The following GPC3 variants were observed in gnomAD, a reference collection of about 807,000 sequenced individuals.
The protein encoded by GPC3 is glypican-3.
Under a neutral mutation model 34.4 loss-of-function variants are expected in GPC3, and 3 were observed. The observed-to-expected ratio is 0.09, with a 90% confidence interval of 0.04 to 0.23. The LOEUF (loss-of-function observed/expected upper bound fraction) is 0.23, where lower values mean the gene tolerates loss of function less well. GPC3 is among the 10% of genes least tolerant of loss of function. The probability of loss-of-function intolerance (pLI) is 1.00; values close to 1 mark genes in which losing one functional copy is unlikely to be tolerated. For missense variants in GPC3, 351 were observed against 445.6 expected (o/e 0.79, Z 1.91); for synonymous variants, 177 against 174.0 (o/e 1.02, Z -0.13).
chrX:133,984,251 C>T (rs1469800463), intron 1 of GPC3, among the ~76,000 whole-genome samples: 1 of 113,603 alleles, frequency 8.8e-6, no homozygotes, highest in Admixed American at 9.2e-5. Flanking sequence ...TTACGGAATA[C>T]AACTGGCCGT....
rs375599523 is a variant in GPC3 at position 133,975,153 on chromosome X, C to G, written c.175+10122G>C. On this transcript the variant is annotated intron_variant, in intron 1 of 7. Coordinates refer to ENST00000370818, the MANE Select transcript of GPC3 (RefSeq NM_004484.4). ...GCTTTTATTCTCCTATTTATGGTCC[C>G]CTGCCCTATCACCTGTGTTACTAAA... Among the ~76,000 whole-genome samples the G allele has an allele frequency of 1.3e-4, 14 of 111,292 alleles. No individual in the cohort carries two copies. The East Asian group carries it at 1.7e-3, about 14-fold the overall frequency.
At chrX:133,952,526 C>G (rs1051344925) in intron 2 of GPC3, among the ~76,000 whole-genome samples, 21 of 112,188 alleles carry the variant, frequency 1.9e-4, no homozygotes, top group African/African-American at 6.8e-4. Flanking sequence ...AATGCCACAA[C>G]AGCTTCTCTT....
chrX:133,845,589 A>T (rs1349658864), intron 2 of GPC3, among the ~76,000 whole-genome samples: 1 of 111,687 alleles, frequency 9.0e-6, no homozygotes, highest in Non-Finnish European at 1.9e-5. Context: ...ATTCCCTAGA[A>T]TTTAGGAGAC....
intron 3 of GPC3, among the ~76,000 whole-genome samples, chrX:133,724,836 A>G (rs1160703011): frequency 1.1e-4 from 12 of 112,477 alleles, no homozygotes; most frequent in Non-Finnish European, 1.9e-4. Flanking sequence ...AATTTGCAGT[A>G]GCCATAATAA....
chrX:133,818,055 C>T (rs2075700925), intron 2 of GPC3, among the ~76,000 whole-genome samples: 1 of 111,380 alleles, frequency 9.0e-6, no homozygotes, highest in African/African-American at 3.3e-5. Flanking sequence ...AGGAGAGGCA[C>T]TGATTTGATC....
chrX:133,800,889 A>G (rs1220077991), intron 2 of GPC3, among the ~76,000 whole-genome samples: 3 of 111,933 alleles, frequency 2.7e-5, no homozygotes, highest in Non-Finnish European at 3.8e-5. Context: ...CAGGGAAAGT[A>G]TTAAACAGCC....
chrX:133,890,848 G>A (rs993586793), intron 2 of GPC3, among the ~76,000 whole-genome samples: 1 of 91,247 alleles, frequency 1.1e-5, no homozygotes, highest in African/African-American at 4.2e-5. Flanking sequence ...CAACAAGAGC[G>A]AAACTCCATC....
chrX:133,841,299 A>G (rs1215406804), intron 2 of GPC3, among the ~76,000 whole-genome samples: 1 of 96,901 alleles, frequency 1.0e-5, no homozygotes, highest in Non-Finnish European at 2.0e-5. Context: ...GGCTCAAGCA[A>G]TTCTCCTGCC....
chrX:133,783,535 CT>C (rs1164438959), intron 2 of GPC3, among the ~76,000 whole-genome samples: 1 of 112,251 alleles, frequency 8.9e-6, no homozygotes, highest in African/African-American at 3.2e-5. Context: ...CAGGAAGACA[CT>C]TTTTGCTTTC....
chrX:133,615,734 C>A (rs1265120774), intron 6 of GPC3, among the ~76,000 whole-genome samples: 1 of 107,328 alleles, frequency 9.3e-6, no homozygotes, highest in Non-Finnish European at 1.9e-5. Context: ...GAACATGTAT[C>A]CTAGAACTTC....
intron 3 of GPC3, among the ~76,000 whole-genome samples, chrX:133,720,505 G>C (rs1317066585): frequency 8.9e-6 from 1 of 111,856 alleles, no homozygotes; most frequent in African/African-American, 3.3e-5. Flanking sequence ...GATGTGACTT[G>C]CTCCTCCTTT....
At chrX:133,900,043 T>G (rs926439200) in intron 2 of GPC3, among the ~76,000 whole-genome samples, 15 of 111,768 alleles carry the variant, frequency 1.3e-4, no homozygotes, top group Non-Finnish European at 2.3e-4. Context: ...GCTCAGGTGA[T>G]CCACCCGCCT....
At chrX:133,670,948 C>T in intron 5 of GPC3, 1 of 434,182 alleles carries the variant, frequency 2.3e-6, no homozygotes, top group East Asian at 3.8e-5. Context: ...TCCTCCCTGG[C>T]TGTCTGAGGA....
chrX:133,960,441 T>A (rs934543397), intron 1 of GPC3, among the ~76,000 whole-genome samples: 3 of 111,937 alleles, frequency 2.7e-5, no homozygotes, highest in African/African-American at 9.7e-5. Context: ...ATGTTCTATA[T>A]GTTGGTTATT....
intron 5 of GPC3, among the ~76,000 whole-genome samples, chrX:133,684,748 CTTAT>C (rs2070980844): frequency 9.0e-6 from 1 of 111,362 alleles, no homozygotes; most frequent in Non-Finnish European, 1.9e-5. Context: ...CAAATAATAA[CTTAT>C]TTTAGCACGA....
chrX:133,631,883 G>A (rs1471007024), intron 6 of GPC3, among the ~76,000 whole-genome samples: 1 of 108,872 alleles, frequency 9.2e-6, no homozygotes, highest in Non-Finnish European at 1.9e-5. Context: ...ATGATGATGA[G>A]CATTTTTCAT....
chrX:133,766,233 G>A (rs1268747357), intron 2 of GPC3, among the ~76,000 whole-genome samples: 1 of 112,005 alleles, frequency 8.9e-6, no homozygotes, highest in Non-Finnish European at 1.9e-5. Context: ...GACCATTTTT[G>A]AGGCATCTTT....
At chrX:133,757,590 C>T (rs746121077) in intron 2 of GPC3, among the ~76,000 whole-genome samples, 5 of 111,202 alleles carry the variant, frequency 4.5e-5, no homozygotes, top group South Asian at 7.7e-4. Flanking sequence ...GGAGAATATA[C>T]TTGTGTTTGG....
At chrX:133,926,420 C>A (rs950686773) in intron 2 of GPC3, among the ~76,000 whole-genome samples, 1 of 111,999 alleles carries the variant, frequency 8.9e-6, no homozygotes, top group Admixed American at 9.4e-5. Flanking sequence ...ATTTCCCTGA[C>A]TTCTGTGAAA....
Sources: gnomAD v4.1 joint callset for allele counts (sites outside exome capture counted in the v4.1 genomes callset) on GRCh38, gnomAD v4.1.1 for gene constraint, MANE v1.5 for transcripts, NCBI Gene and HGNC (gene_info 2026-07-23, HGNC 2026-07-21) for gene names.